Variants in APC observed in about 807,000 individuals in gnomAD.
APC encodes the protein adenomatous polyposis coli protein.
APC carries 72 observed loss-of-function variants against 247.0 expected under a neutral mutation model. The ratio of observed to expected loss-of-function variants is 0.29; its 90% CI spans 0.24 to 0.35. The LOEUF (loss-of-function observed/expected upper bound fraction) is 0.35. APC is among the 10% of genes least tolerant of loss of function. The pLI is 1.00. For missense variants in APC, 3,400 were observed against 3,360.7 expected, an observed-to-expected ratio of 1.01 and a Z score of -0.29; for synonymous variants, 1,254 against 1,162.5, an observed-to-expected ratio of 1.08 and a Z score of -1.60.
chr5:112,833,325 G>C (rs1006199377), intron 14 of APC, among the ~76,000 whole-genome samples: 1 of 151,878 alleles, frequency 6.6e-6, no homozygotes, highest in Non-Finnish European at 1.5e-5. Flanking sequence ...TAGGATTACA[G>C]GTGCCCACCA....
intron 1 of APC, among the ~76,000 whole-genome samples, chr5:112,726,083 C>T (rs541315288): frequency 3.3e-5 from 5 of 152,262 alleles, no homozygotes; most frequent in African/African-American, 9.6e-5. Flanking sequence ...GTGCAGAAGC[C>T]GGGGCAAGTG....
At chr5:112,708,902 C>T (rs1027591944) in intron 1 of APC, among the ~76,000 whole-genome samples, 1 of 152,224 alleles carries the variant, frequency 6.6e-6, no homozygotes, top group Non-Finnish European at 1.5e-5. Context: ...GTGTAAAAAA[C>T]TGTCCTAAAT....
chr5:112,761,180 C>G (rs1755627415), intron 2 of APC, among the ~76,000 whole-genome samples: 1 of 152,086 alleles, frequency 6.6e-6, no homozygotes, highest in Non-Finnish European at 1.5e-5. Flanking sequence ...GGCAGACTCT[C>G]TAGAGGAAAA....
At chr5:112,818,199 A>G (rs535877005) in intron 9 of APC, among the ~76,000 whole-genome samples, 1 of 152,336 alleles carries the variant, frequency 6.6e-6, no homozygotes, top group Non-Finnish European at 1.5e-5. Flanking sequence ...TTCTTTATAT[A>G]ATAGCCTCTA....
intron 1 of APC, among the ~76,000 whole-genome samples, chr5:112,741,236 T>C (rs1752978373): frequency 6.6e-6 from 1 of 152,236 alleles, no homozygotes; most frequent in Admixed American, 6.5e-5. Context: ...CTTTGGCTAC[T>C]CCTAGGATAT....
chr5:112,818,307 G>A (rs188497632), intron 9 of APC, among the ~76,000 whole-genome samples: 16 of 152,222 alleles, frequency 1.1e-4, no homozygotes, highest in Middle Eastern at 3.4e-3. Context: ...AACTAAATAC[G>A]TAGAATTTAT....
At chr5:112,811,672 A>C (rs1224358177) in intron 8 of APC, among the ~76,000 whole-genome samples, 1 of 152,242 alleles carries the variant, frequency 6.6e-6, no homozygotes, top group Non-Finnish European at 1.5e-5. Flanking sequence ...AATGTCAGAA[A>C]CATGTTTTAT....
chr5:112,766,294 T>G, intron 2 of APC, 32 bp from the exon 3 acceptor site: 2 of 1,423,882 alleles, frequency 1.4e-6, no homozygotes, highest in Non-Finnish European at 2.0e-6. Context: ...TATTTAGAAT[T>G]TCATGTTAAT....
rs1299714632 is a variant in APC at position 112,842,304 on chromosome 5, G to A, written c.6710G>A (p.Arg2237Gln). The stretch of plus-strand genomic sequence containing the variant: ...ACAATGATTCATATTCCAGGAGTTC[G>A]AAATAGCTCCTCAAGTACAAGTCCT... ...GRTMIHIPGV[R>Q]NSSSSTSPVS... Residue 2237 changes from arginine (R) to glutamine (Q), a missense_variant, in exon 16 of 16, where the codon CGA becomes CAA. Coordinates refer to ENST00000257430, the MANE Select transcript of APC (RefSeq NM_000038.6). The A allele has an allele frequency of 6.2e-6, 10 of 1,613,764 alleles. No homozygotes were observed. The highest frequency in any genetic ancestry group is 2.2e-5 in the East Asian group (1 of 44,870).
chr5:112,832,463 A>G (rs1764399559), intron 14 of APC, among the ~76,000 whole-genome samples: 1 of 152,128 alleles, frequency 6.6e-6, no homozygotes, highest in Admixed American at 6.5e-5. Flanking sequence ...CTGCTCCTAG[A>G]TTGTTTTGTT....
chr5:112,791,389 G>C (rs1290163017), intron 6 of APC, among the ~76,000 whole-genome samples: 1 of 152,194 alleles, frequency 6.6e-6, no homozygotes, highest in African/African-American at 2.4e-5. Flanking sequence ...GGGAAGAGTT[G>C]GGCCTACTGT....
chr5:112,781,762 GA>G (rs1758373549), intron 6 of APC, among the ~76,000 whole-genome samples: 1 of 148,254 alleles, frequency 6.7e-6, no homozygotes, highest in Non-Finnish European at 1.5e-5. Flanking sequence ...TAAACATAAT[GA>G]TTTTTTTTTT....
chr5:112,787,089 T>C (rs1759043972), intron 6 of APC, among the ~76,000 whole-genome samples: 1 of 152,118 alleles, frequency 6.6e-6, no homozygotes, highest in African/African-American at 2.4e-5. Context: ...GGTTTCACTA[T>C]GTTGCCCAGT....
chr5:112,712,988 T>C (rs1256532795), intron 1 of APC, among the ~76,000 whole-genome samples: 2 of 151,924 alleles, frequency 1.3e-5, no homozygotes, highest in Admixed American at 6.6e-5. Context: ...CTGGCTAACA[T>C]AGTGAAACCC....
rs550939979 is a variant in APC, at chr5:112,821,791, G to T, written c.1313-105G>T. The T allele has an allele frequency of 2.0e-5, 17 of 870,640 alleles. No individual in the cohort carries two copies. In the East Asian group the frequency reaches 2.3e-4, roughly 12 times the overall value. The allele number at this position is 870,640 out of a possible 1,614,324, so 53.9% of individuals were successfully genotyped here. ...ATTTGTTGATCCACTAAAATTCCGTGAATTAGGGTTATATTAGTGATCCCT... is the reference window on the plus strand; with the variant it reads ...ATTTGTTGATCCACTAAAATTCCGTTAATTAGGGTTATATTAGTGATCCCT... On this transcript the variant is annotated intron_variant, in intron 10 of 15. Coordinates refer to ENST00000257430, the MANE Select transcript of APC (RefSeq NM_000038.6).
chr5:112,828,871 T>G lies in APC; in HGVS notation c.1642T>G (p.Leu548Val), dbSNP rs1060503373. Residue 548 changes from leucine to valine, a missense_variant, in exon 14 of 16, where the codon TTG becomes GTG. Leu to Val is a conservative substitution (Grantham distance 32, BLOSUM62 1). Coordinates refer to ENST00000257430, the MANE Select transcript of APC (RefSeq NM_000038.6). ...TAATTTGCAGGTTATTGCGAGTGTTTTGAGGAATTTGTCTTGGCGAGCAGA... is the reference window on the plus strand; with the variant it reads ...TAATTTGCAGGTTATTGCGAGTGTTGTGAGGAATTTGTCTTGGCGAGCAGA... Reference protein sequence around the residue: ...EDLQQVIASVLRNLSWRADVN... With the variant: ...EDLQQVIASVVRNLSWRADVN... 12 of 1,612,718 alleles carry G rather than the reference T, an allele frequency of 7.4e-6. No individual in the cohort carries two copies. The highest frequency in any genetic ancestry group is 1.0e-5 in the Non-Finnish European group (12 of 1,178,946).
chr5:112,846,054 TTGAGC>T lies in APC; in HGVS notation c.*1930_*1934del. The T allele has an allele frequency of 4.3e-6, 1 of 232,276 alleles. No homozygotes were observed. 14.4% of individuals were successfully genotyped at this position (232,276 alleles called of 1,614,324 possible). A position where few individuals can be genotyped will look rare whatever the true frequency, so the allele number is the denominator to read the frequency against. ...TGCCAGTAAATAAAAGTGCTATGAC[TTGAGC>T]TAAGATATTTGACTCCAATGCCTGT... On this transcript the variant is annotated 3_prime_UTR_variant, in exon 16 of 16. Transcript: ENST00000257430.
intron 1 of APC, among the ~76,000 whole-genome samples, chr5:112,754,083 T>A (rs1754681299): frequency 6.6e-6 from 1 of 152,208 alleles, no homozygotes; most frequent in Non-Finnish European, 1.5e-5. Flanking sequence ...ACTGCCAGAC[T>A]CTGCTTCATT....
intron 14 of APC, among the ~76,000 whole-genome samples, chr5:112,833,251 C>T (rs1421195463): frequency 3.3e-5 from 5 of 149,698 alleles, no homozygotes; most frequent in South Asian, 4.2e-4. Context: ...GGCGCAATCT[C>T]GGCTCACTGC....
Sources: allele counts gnomAD v4.1 joint callset (sites outside exome capture counted in the v4.1 genomes callset), GRCh38; gene constraint gnomAD v4.1.1; transcripts MANE v1.5; gene names NCBI Gene and HGNC (gene_info 2026-07-23, HGNC 2026-07-21).